Variants in SLC6A19 observed in about 807,000 individuals in gnomAD.
SLC6A19 encodes the protein solute carrier family 6 member 19.
In SLC6A19, 67 loss-of-function variants were observed where a neutral mutation model predicts 68.3. The observed-to-expected ratio is 0.98, with a 90% CI of 0.81 to 1.20. The LOEUF is 1.20. Ranked by LOEUF, SLC6A19 falls within the 50% of genes most tolerant of loss-of-function variation. The pLI, the probability that SLC6A19 is intolerant of heterozygous loss-of-function variation, is 0.00. For missense variants in SLC6A19, 813 were observed against 851.6 expected (o/e 0.95, Z 0.56); for synonymous variants, 392 against 374.9 (o/e 1.05, Z -0.53).
intron 10 of SLC6A19, among the ~76,000 whole-genome samples, chr5:1,220,945 G>A (rs370412350): frequency 9.9e-5 from 15 of 152,184 alleles, no homozygotes; most frequent in Non-Finnish European, 1.9e-4. Flanking sequence ...TGGTGGCATC[G>A]TAGGGCAGAG....
At chr5:1,218,550 G>A (rs1361558079) in intron 8 of SLC6A19, among the ~76,000 whole-genome samples, 3 of 152,214 alleles carry the variant, frequency 2.0e-5, no homozygotes, top group Non-Finnish European at 4.4e-5. Flanking sequence ...TCCAGGGTAT[G>A]CGTTTATTAA....
Position 1,218,953 on chromosome 5 carries a change from C to G in SLC6A19, c.1224C>G (p.Thr408=), listed in dbSNP as rs1468315723. The stretch of plus-strand genomic sequence containing the variant: ...TCATCGTCTTCACCGAGGCCATCAC[C>G]AAGATGCCGTTGTCCCCACTGTGGT... ...LAFIVFTEAI[T]KMPLSPLWSV... is the part of the protein sequence containing the mutation. The change falls in exon 9 of 12, where the codon ACC becomes ACG. Residue 408 remains threonine (T), a synonymous_variant. Transcript: ENST00000304460. 6.2e-7 allele frequency: 1 copy of G among 1,613,978 alleles called. No individual in the cohort carries two copies. The highest frequency in any genetic ancestry group is 8.5e-7 in the Non-Finnish European group (1 of 1,180,034).
intron 10 of SLC6A19, among the ~76,000 whole-genome samples, chr5:1,220,888 G>A (rs1302544780): frequency 6.6e-6 from 1 of 152,182 alleles, no homozygotes; most frequent in Non-Finnish European, 1.5e-5. Flanking sequence ...TCAGACGTGG[G>A]TGAGGGCGGG....
In SLC6A19 at chr5:1,214,065, A is replaced by AT; in HGVS notation, c.887_887+1insT (p.Asn297GlnfsTer56). 1.2e-6 allele frequency: 2 copies of AT among 1,613,780 alleles called. No individual in the cohort carries two copies. The highest frequency in any genetic ancestry group is 1.7e-6 in the Non-Finnish European group (2 of 1,179,982). Reference sequence around the variant, plus strand: ...TCCTTCTCCAGCTACAACTCTGTGCAGTGAGTGCGGGTGTGGTGGGCCTCA... The same window carrying AT: ...TCCTTCTCCAGCTACAACTCTGTGCATGTGAGTGCGGGTGTGGTGGGCCTCA... On this transcript the variant is annotated frameshift_variant and splice_region_variant. Transcript: ENST00000304460. LOFTEE classifies it high-confidence loss of function. The surrounding 1 kb of genome is among the most constrained non-coding windows in gnomAD (Gnocchi z 7.4).
Position 1,215,768 on chromosome 5 carries a change from G to A in SLC6A19, c.888-790G>A, listed in dbSNP as rs4416632. Among the ~76,000 whole-genome samples the A allele has an allele frequency of 0.031, 4,777 of 152,300 alleles. 87 individuals are homozygous for A. The highest frequency in any genetic ancestry group is 0.043 in the Non-Finnish European group (2,907 of 68,014). ...GTGCGCCTAGGAGTGGAGTTGCTGC[G>A]TCATGCTGGCCTCTACATGCAGTCC... On this transcript the variant is annotated intron_variant, in intron 6 of 11. Coordinates refer to ENST00000304460, the MANE Select transcript of SLC6A19 (RefSeq NM_001003841.3). The surrounding 1 kb of genome is among the most constrained non-coding windows in gnomAD (Gnocchi z 5.1).
intron 1 of SLC6A19, among the ~76,000 whole-genome samples, chr5:1,202,810 A>G (rs192846497): frequency 6.6e-6 from 1 of 152,348 alleles, no homozygotes; most frequent in East Asian, 1.9e-4. Flanking sequence ...AGGTTTTTAA[A>G]GAAAAACAGA....
In SLC6A19 at chr5:1,222,491, T is replaced by G; in HGVS notation, c.*587T>G. 1 of 425,018 alleles carries G rather than the reference T, an allele frequency of 2.4e-6. No homozygotes were observed. The highest frequency in any genetic ancestry group is 3.8e-5 in the Admixed American group (1 of 26,050). The allele number at this position is 425,018 out of a possible 1,614,324, so 26.3% of individuals were successfully genotyped here. A position where few individuals can be genotyped will look rare whatever the true frequency, so the allele number is the denominator to read the frequency against. On this transcript the variant is annotated 3_prime_UTR_variant, in exon 12 of 12. Transcript: ENST00000304460. The stretch of plus-strand genomic sequence containing the variant: ...ATATATGCACATGTGTATATGTACA[T>G]GTATGCCTGTGTGACGTGTGTATAT...
intron 2 of SLC6A19, 134 bp from the exon 3 acceptor site, chr5:1,210,310 G>T: frequency 7.7e-7 from 1 of 1,295,964 alleles, no homozygotes; most frequent in South Asian, 1.3e-5. Context: ...GCACTGGGTC[G>T]GCCCCTCAGA....
At chr5:1,216,227 A>C (rs1746202248) in intron 6 of SLC6A19, among the ~76,000 whole-genome samples, 1 of 152,136 alleles carries the variant, frequency 6.6e-6, no homozygotes, top group South Asian at 2.1e-4. Context: ...TAGAGGCTTG[A>C]CGGAGGTTAC....
chr5:1,218,758 T>A, intron 8 of SLC6A19, 145 bp from the exon 9 acceptor site: 1 of 769,566 alleles, frequency 1.3e-6, no homozygotes, highest in Non-Finnish European at 2.1e-6. Context: ...ACTTTGGGCC[T>A]AAAAGACAAG....
chr5:1,211,813 G>A lies in SLC6A19; in HGVS notation c.482-490G>A, dbSNP rs1746037899. Among the ~76,000 whole-genome samples, 3 of 150,564 alleles carry A rather than the reference G, an allele frequency of 2.0e-5. No homozygotes were observed. The South Asian group carries it at 6.4e-4, about 32-fold the overall frequency. On this transcript the variant is annotated intron_variant, in intron 3 of 11. Coordinates refer to ENST00000304460, the MANE Select transcript of SLC6A19 (RefSeq NM_001003841.3). ...AGCATGTGTGCCTGTGTGCATGTGT[G>A]TACTGTGTGTGTGTGCATGTGCATG...
chr5:1,211,917 GTGTGTGCATGTGAGCA>G lies in SLC6A19; in HGVS notation c.482-379_482-364del, dbSNP rs1561164666. ...TTGTGTGCTGTGTGTGTACATGCATGTGTGTGCATGTGAGCATGTGTGTGCATGTGAGCATGTGTGC... is the reference window on the plus strand; with the variant it reads ...TTGTGTGCTGTGTGTGTACATGCATGTGTGTGTGCATGTGAGCATGTGTGC... On this transcript the variant is annotated intron_variant, in intron 3 of 11. Transcript: ENST00000304460. Among the ~76,000 whole-genome samples, 1,115 of 149,764 alleles carry G rather than the reference GTGTGTGCATGTGAGCA, an allele frequency of 7.4e-3. 18 individuals are homozygous for G. The highest frequency in any genetic ancestry group is 0.026 in the African/African-American group (1,046 of 40,256).
intron 1 of SLC6A19, among the ~76,000 whole-genome samples, chr5:1,207,457 G>C (rs1157365545): frequency 1.3e-5 from 2 of 152,266 alleles, no homozygotes; most frequent in Admixed American, 6.5e-5. Flanking sequence ...TGAGCTCTGA[G>C]AGGAAGCTGA....
intron 8 of SLC6A19, among the ~76,000 whole-genome samples, chr5:1,217,372 C>T (rs146488325): frequency 2.1e-4 from 32 of 152,358 alleles, no homozygotes; most frequent in Admixed American, 1.6e-3. Context: ...GGCTCAGCCA[C>T]GCTGATGTCG....
chr5:1,206,153 T>C (rs895608796), intron 1 of SLC6A19, among the ~76,000 whole-genome samples: 6 of 152,138 alleles, frequency 3.9e-5, no homozygotes, highest in Admixed American at 6.5e-5. Context: ...CGTGTTAAAC[T>C]GGGAGAGGGA....
chr5:1,206,690 G>A (rs142035461), intron 1 of SLC6A19, among the ~76,000 whole-genome samples: 377 of 152,244 alleles, frequency 2.5e-3, no homozygotes, highest in African/African-American at 8.3e-3. Context: ...TGGGGAGGGT[G>A]CAGGCAGGCG....
rs559017295 is a variant in SLC6A19, at chr5:1,211,988, G to A, written c.482-315G>A. Among the ~76,000 whole-genome samples the A allele has an allele frequency of 6.2e-3, 877 of 142,092 alleles. 12 individuals are homozygous for A. The highest frequency in any genetic ancestry group is 0.03 in the South Asian group (133 of 4,386). The allele number at this position is 142,092 out of a possible 152,430, so 93.2% of individuals were successfully genotyped here. On this transcript the variant is annotated intron_variant, in intron 3 of 11. Coordinates refer to ENST00000304460, the MANE Select transcript of SLC6A19 (RefSeq NM_001003841.3). ...GTGCATGTGTGTGTGTTGTGTGTCC[G>A]TGCATGTGCGTGCATGTGAGCATGT...
At chr5:1,208,396 A>G (rs1745914511) in intron 1 of SLC6A19, among the ~76,000 whole-genome samples, 1 of 144,260 alleles carries the variant, frequency 6.9e-6, no homozygotes, top group African/African-American at 2.9e-5. Flanking sequence ...CTGGACTGCC[A>G]GGGGGTGGGT....
intron 4 of SLC6A19, 63 bp from the exon 5 acceptor site, chr5:1,213,400 C>T (rs1409937951): frequency 1.6e-5 from 12 of 733,482 alleles, no homozygotes; most frequent in Non-Finnish European, 2.4e-5. Context: ...CCCCACGTGC[C>T]GCCCCCACCG....
Sources: gnomAD v4.1 joint callset for allele counts (sites outside exome capture counted in the v4.1 genomes callset) on GRCh38, gnomAD v4.1.1 for gene constraint, Gnocchi (gnomAD v3.1) non-coding constraint, MANE v1.5 for transcripts, NCBI Gene and HGNC (gene_info 2026-07-23, HGNC 2026-07-21) for gene names.